The following SYNE1 variants were observed in gnomAD, a reference collection of about 807,000 sequenced individuals.
SYNE1 encodes the protein nesprin-1.
SYNE1 carries 616 observed loss-of-function variants against 1,111.0 expected under a neutral mutation model. That is an observed-to-expected ratio of 0.55 (90% confidence interval 0.52 to 0.59). SYNE1 has a LOEUF of 0.59. Among genes scored for constraint, SYNE1 ranks in the 20% least tolerant of loss-of-function variants. SYNE1 has a pLI of 0.00. For synonymous variants in SYNE1, 3,855 were observed against 3,825.8 expected (o/e 1.01, Z -0.28); for missense variants, 10,006 against 10,417.0 (o/e 0.96, Z 1.72).
intron 78 of SYNE1, among the ~76,000 whole-genome samples, chr6:152,328,649 T>G (rs908535190): frequency 6.6e-6 from 1 of 151,764 alleles, no homozygotes; most frequent in Non-Finnish European, 1.5e-5. Flanking sequence ...TGACCTCAGG[T>G]GATCCACCCA....
At chr6:152,357,155 T>C (rs1197991106) in intron 66 of SYNE1, among the ~76,000 whole-genome samples, 5 of 152,200 alleles carry the variant, frequency 3.3e-5, no homozygotes. Flanking sequence ...TATATTTAAA[T>C]AAGATTTTCT....
rs1388865549 is a variant in SYNE1, at chr6:152,455,258, TTCTTTTTGCTCACCATA to T, written c.2892+151_2892+167del. Among the ~76,000 whole-genome samples the T allele has an allele frequency of 2.6e-5, 4 of 152,324 alleles. No individual in the cohort carries two copies. In the East Asian group the frequency reaches 7.7e-4, roughly 29 times the overall value. On this transcript the variant is annotated intron_variant, in intron 24 of 145. Transcript: ENST00000367255. ...AGTCAGCTCACCAACTCTCTTGAAG[TTCTTTTTGCTCACCATA>T]TCTTTGGGTCTCATACCTAAAAAGT...
intron 62 of SYNE1, among the ~76,000 whole-genome samples, chr6:152,366,006 T>C (rs1431716394): frequency 6.6e-6 from 1 of 152,154 alleles, no homozygotes; most frequent in African/African-American, 2.4e-5. Flanking sequence ...CACCCAGTTA[T>C]CTTTGCCAAA....
intron 20 of SYNE1, 153 bp downstream of exon 20, chr6:152,462,584 AT>A (rs140845805): frequency 2.4e-5 from 19 of 775,940 alleles, no homozygotes; most frequent in Non-Finnish European, 4.0e-5. Flanking sequence ...TGTTCAATAC[AT>A]TTTTTTCTGA....
chr6:152,347,930 T>C (rs1490534356), intron 72 of SYNE1, among the ~76,000 whole-genome samples: 1 of 151,700 alleles, frequency 6.6e-6, no homozygotes. Flanking sequence ...CCTCAAGTGA[T>C]CTGCTGGCCT....
chr6:152,268,458 A>T (rs2153675453), intron 99 of SYNE1, among the ~76,000 whole-genome samples: 1 of 152,134 alleles, frequency 6.6e-6, no homozygotes, highest in African/African-American at 2.4e-5. Context: ...AAGTGGTACA[A>T]AATGTACTCT....
At position 152,354,788 on chromosome 6, in the gene SYNE1, T is replaced by C; in HGVS notation, c.10797A>G (p.Lys3599=). The C allele has an allele frequency of 6.2e-7, 1 of 1,614,226 alleles. No homozygotes were observed. Among genetic ancestry groups the C allele is most frequent in the Non-Finnish European group, 8.5e-7 (1 of 1,180,040 alleles). ...TRTQFNNVVN[K]LRLMEQKFQQ... is the part of the protein sequence containing the mutation. ...GAAACTTTTGCTCCATTAGCCTCAA[T>C]TTGTTCACCACGTTATTGAACTGAG... Residue 3599 remains lysine (K), a synonymous_variant, in exon 67 of 146, where the codon AAA becomes AAG. Coordinates refer to ENST00000367255, the MANE Select transcript of SYNE1 (RefSeq NM_182961.4).
At chr6:152,440,077 A>C (rs1212326156) in intron 32 of SYNE1, among the ~76,000 whole-genome samples, 1 of 151,982 alleles carries the variant, frequency 6.6e-6, no homozygotes, top group Non-Finnish European at 1.5e-5. Context: ...CATTTTCGTC[A>C]CTCACTCTGT....
At chr6:152,621,474 G>A (rs1461555857) in intron 3 of SYNE1, among the ~76,000 whole-genome samples, 2 of 152,088 alleles carry the variant, frequency 1.3e-5, no homozygotes, top group African/African-American at 4.8e-5. Context: ...GTGCAATAAA[G>A]TGAATTTACA....
chr6:152,282,173 T>G (rs904347836), intron 96 of SYNE1, 193 bp from the exon 97 acceptor site: 1 of 620,402 alleles, frequency 1.6e-6, no homozygotes, highest in African/African-American at 1.8e-5. Context: ...AAATTGGTAT[T>G]TTTAAAAAGA....
At chr6:152,494,511 C>CTATATAGTAGCATAGATATA (rs1251538533) in intron 11 of SYNE1, among the ~76,000 whole-genome samples, 3 of 152,192 alleles carry the variant, frequency 2.0e-5, no homozygotes. Context: ...GCAGGCTATG[C>CTATATAGTAGCATAGATATA]TATAGTATCT....
At chr6:152,526,625 T>C (rs2099164908) in intron 4 of SYNE1, among the ~76,000 whole-genome samples, 1 of 152,206 alleles carries the variant, frequency 6.6e-6, no homozygotes, top group Non-Finnish European at 1.5e-5. Flanking sequence ...AGCCCTTCTA[T>C]AGGACATTCT....
chr6:152,570,342 C>G (rs1301008944), intron 3 of SYNE1, among the ~76,000 whole-genome samples: 1 of 152,324 alleles, frequency 6.6e-6, no homozygotes, highest in South Asian at 2.1e-4. Flanking sequence ...AAAACCATTA[C>G]TATATCATAT....
chr6:152,484,035 C>CCACAAAAAAA (rs2098925292), intron 13 of SYNE1, among the ~76,000 whole-genome samples: 2 of 66,126 alleles, frequency 3.0e-5, no homozygotes, highest in Non-Finnish European at 2.8e-5. Flanking sequence ...GATCTCATCT[C>CCACAAAAAAA]TACAAAAAAA....
rs749164483 is a variant in SYNE1, at chr6:152,219,168, C to T, written c.21879G>A (p.Leu7293=). ...AAAAGAGGGAATCTTTAACTGTGCCCAGTCCTTTGAGGAGGTCCTAGAAGA... is the reference window on the plus strand; with the variant it reads ...AAAAGAGGGAATCTTTAACTGTGCCTAGTCCTTTGAGGAGGTCCTAGAAGA... ...IQDCNDLLKG[L]GTVKDSLFFL... The change falls in exon 120 of 146, where the codon CTG becomes CTA. Residue 7293 remains leucine (L), a synonymous_variant. Transcript: ENST00000367255. 2 of 1,613,970 alleles carry T rather than the reference C, an allele frequency of 1.2e-6. No individual in the cohort carries two copies. Among genetic ancestry groups the T allele is most frequent in the East Asian group, 4.5e-5 (2 of 44,864 alleles).
Position 152,318,868 on chromosome 6 carries a change from G to A in SYNE1, c.16384C>T (p.Gln5462Ter). ...TDNVVQAKTD[Q>*]KVLGEELDGC... Reference sequence around the variant, plus strand: ...TTTAAAATTCTACTTCTTACCTTTTGGTCAGTTTTAGCTTGAACTACATTA... The same window carrying A: ...TTTAAAATTCTACTTCTTACCTTTTAGTCAGTTTTAGCTTGAACTACATTA... Residue 5462 changes from glutamine (Q) to a stop codon, truncating the protein, a stop_gained, in exon 85 of 146, where the codon CAA becomes TAA. Transcript: ENST00000367255. LOFTEE classifies it high-confidence loss of function. The A allele has an allele frequency of 6.2e-7, 1 of 1,614,050 alleles. No homozygotes were observed. Among genetic ancestry groups the A allele is most frequent in the Non-Finnish European group, 8.5e-7 (1 of 1,179,980 alleles).
At chr6:152,493,853 C>G (rs1221979242) in intron 11 of SYNE1, among the ~76,000 whole-genome samples, 1 of 152,124 alleles carries the variant, frequency 6.6e-6, no homozygotes, top group Non-Finnish European at 1.5e-5. Flanking sequence ...TTTTTGCCAT[C>G]CTGACTAAAC....
chr6:152,480,808 TG>T (rs1038880603), intron 14 of SYNE1: 1 of 455,630 alleles, frequency 2.2e-6, no homozygotes, highest in Non-Finnish European at 4.4e-6. Context: ...TCTGGGTTTT[TG>T]TTTGTTTGTT....
intron 56 of SYNE1, 77 bp from the exon 57 acceptor site, chr6:152,376,989 A>T: frequency 6.5e-7 from 1 of 1,540,514 alleles, no homozygotes; most frequent in Admixed American, 1.7e-5. Flanking sequence ...TACATGCATC[A>T]ATCATATTAT....
Sources: gnomAD v4.1 joint callset for allele counts (sites outside exome capture counted in the v4.1 genomes callset) on GRCh38, gnomAD v4.1.1 for gene constraint, MANE v1.5 for transcripts, NCBI Gene and HGNC (gene_info 2026-07-23, HGNC 2026-07-21) for gene names.